Variants in LEKR1 observed in about 807,000 individuals in gnomAD.
LEKR1 encodes the protein leucine, glutamate and lysine rich 1, also known as protein LEKR1.
A neutral mutation model predicts 72.4 loss-of-function variants in LEKR1; 59 were observed. The observed-to-expected ratio is 0.82, with a 90% CI of 0.66 to 1.01. LEKR1 has a LOEUF of 1.01. Among genes scored for constraint, LEKR1 ranks in the 50% least tolerant of loss-of-function variants. The pLI is 0.00. For synonymous variants in LEKR1, 257 were observed against 263.2 expected, an observed-to-expected ratio of 0.98 and a Z score of 0.23; for missense variants, 728 against 759.2, an observed-to-expected ratio of 0.96 and a Z score of 0.48.
intron 7 of LEKR1, among the ~76,000 whole-genome samples, chr3:156,992,182 G>A (rs1731188279): frequency 6.6e-6 from 1 of 152,202 alleles, no homozygotes; most frequent in African/African-American, 2.4e-5. Context: ...AACAGCTGTG[G>A]TTGCCCCAAA....
At chr3:157,045,037 T>C (rs1312209452) in intron 12 of LEKR1, among the ~76,000 whole-genome samples, 1 of 152,102 alleles carries the variant, frequency 6.6e-6, no homozygotes, top group Non-Finnish European at 1.5e-5. Flanking sequence ...AAGTCCTGAG[T>C]TCTAACTCCA....
At chr3:156,839,329 A>G (rs192374870) in intron 2 of LEKR1, among the ~76,000 whole-genome samples, 1 of 152,336 alleles carries the variant, frequency 6.6e-6, no homozygotes, top group East Asian at 1.9e-4. Context: ...AAGGACTGTC[A>G]ATGCTATGGA....
At chr3:156,838,383 T>G (rs1181200869) in intron 2 of LEKR1, among the ~76,000 whole-genome samples, 1 of 152,190 alleles carries the variant, frequency 6.6e-6, no homozygotes, top group Non-Finnish European at 1.5e-5. Context: ...CAAACCAGGA[T>G]TCCTAACCAA....
At position 156,941,582 on chromosome 3, in the gene LEKR1, G is replaced by A. The variant is rs115024604; in HGVS notation, c.560-947G>A. Among the ~76,000 whole-genome samples, 955 of 152,092 alleles carry A rather than the reference G, an allele frequency of 6.3e-3. 11 individuals carry two copies. The highest frequency in any genetic ancestry group is 0.022 in the African/African-American group (914 of 41,508). ...CGAAACCAACCACTTTTGACATCTC[G>A]TCACATGTTGAACCTATCACATAGT... On this transcript the variant is annotated intron_variant, in intron 5 of 12. Transcript: ENST00000356539.
At chr3:156,876,389 G>A (rs1169691118) in intron 3 of LEKR1, among the ~76,000 whole-genome samples, 1 of 152,146 alleles carries the variant, frequency 6.6e-6, no homozygotes, top group Non-Finnish European at 1.5e-5. Context: ...TACTTTGATA[G>A]AAATTGCTTT....
chr3:156,942,002 A>G (rs891584525), intron 5 of LEKR1, among the ~76,000 whole-genome samples: 2 of 152,008 alleles, frequency 1.3e-5, no homozygotes, highest in African/African-American at 4.8e-5. Context: ...AATCATTAAG[A>G]TATTATTAAC....
At chr3:156,854,531 CT>C (rs1715802448) in intron 3 of LEKR1, among the ~76,000 whole-genome samples, 1 of 149,710 alleles carries the variant, frequency 6.7e-6, no homozygotes, top group African/African-American at 2.5e-5. Flanking sequence ...TTTCTTTTCT[CT>C]TTTCTTTCTT....
intron 3 of LEKR1, among the ~76,000 whole-genome samples, chr3:156,903,710 A>G (rs1378956682): frequency 1.3e-5 from 2 of 152,200 alleles, no homozygotes; most frequent in African/African-American, 2.4e-5. Flanking sequence ...TTATTCTCTT[A>G]AACTGCAAAT....
chr3:156,971,530 A>C (rs547142062), intron 6 of LEKR1, among the ~76,000 whole-genome samples: 7,390 of 152,268 alleles, frequency 0.049, 643 homozygotes, highest in African/African-American at 0.17. Flanking sequence ...CAGCAAAAGA[A>C]ACTACCATCA....
At chr3:156,902,190 G>T (rs1174112521) in intron 3 of LEKR1, among the ~76,000 whole-genome samples, 4 of 151,864 alleles carry the variant, frequency 2.6e-5, no homozygotes, top group African/African-American at 9.7e-5. Flanking sequence ...TTATTGATTT[G>T]CTGACCTATT....
chr3:157,036,624 G>A (rs549574437), intron 12 of LEKR1, among the ~76,000 whole-genome samples: 2 of 152,296 alleles, frequency 1.3e-5, no homozygotes, highest in African/African-American at 4.8e-5. Context: ...AGAAAATATA[G>A]GAATCAGGAA....
At chr3:157,013,550 A>T (rs1733075619) in intron 10 of LEKR1, among the ~76,000 whole-genome samples, 1 of 152,128 alleles carries the variant, frequency 6.6e-6, no homozygotes, top group South Asian at 2.1e-4. Flanking sequence ...TATATTGCAG[A>T]GGTATGTATA....
At position 157,017,962 on chromosome 3, in the gene LEKR1, A is replaced by AAAGAAG. The variant is rs1553831880; in HGVS notation, c.1203+6458_1203+6459insGAAGAA. 5.2e-5 allele frequency among the ~76,000 whole-genome samples: 7 copies of AAAGAAG among 134,236 alleles called. No homozygotes were observed. The Admixed American group carries it at 5.3e-4, about 10-fold the overall frequency. The allele number at this position is 134,236 out of a possible 152,430, so 88.1% of individuals were successfully genotyped here. On this transcript the variant is annotated intron_variant, in intron 10 of 12. Transcript: ENST00000356539. ...AGACTCTGTCTCAAAAAAAAAAAAA[A>AAAGAAG]AAAAAAAAAAGAAAGCTGGAGTAGC...
At chr3:156,945,994 T>A (rs1726641536) in intron 6 of LEKR1, among the ~76,000 whole-genome samples, 1 of 151,760 alleles carries the variant, frequency 6.6e-6, no homozygotes, top group Non-Finnish European at 1.5e-5. Flanking sequence ...AAGAATGACA[T>A]TGGTATTTTG....
At chr3:156,976,091 T>G (rs1396898461) in intron 6 of LEKR1, among the ~76,000 whole-genome samples, 3 of 152,152 alleles carry the variant, frequency 2.0e-5, no homozygotes, top group Admixed American at 2.0e-4. Context: ...GGACAGGAAC[T>G]GGGCACTCTG....
intron 6 of LEKR1, among the ~76,000 whole-genome samples, chr3:156,951,469 T>C (rs546565050): frequency 6.6e-6 from 1 of 151,758 alleles, no homozygotes; most frequent in African/African-American, 2.4e-5. Flanking sequence ...AGAATTCAGC[T>C]GTGAATCCAT....
rs1234584297 is a variant in LEKR1, at chr3:156,852,808, G to A, written c.89G>A (p.Ser30Asn). The A allele has an allele frequency of 6.5e-7, 1 of 1,534,692 alleles. No individual in the cohort carries two copies. The highest frequency in any genetic ancestry group is 2.5e-5 in the East Asian group (1 of 40,754). Residue 30 changes from serine (S) to asparagine (N), a missense_variant, in exon 3 of 13, where the codon AGC (serine) becomes AAC (asparagine). Coordinates refer to ENST00000356539, the MANE Select transcript of LEKR1 (RefSeq NM_001004316.3). ...AAAGTTTGTAAGTACTGTGGAGTCA[G>A]CTATCTAATTCTTCATGAATTTAAG... ...EEKVCKYCGVSYLILHEFKAM... is the reference protein window; with the variant it reads ...EEKVCKYCGVNYLILHEFKAM...
chr3:156,888,518 A>G lies in LEKR1; in HGVS notation c.264-32057A>G. 4.9e-6 allele frequency: 3 copies of G among 615,520 alleles called. No homozygotes were observed. In the South Asian group the frequency reaches 5.9e-5, roughly 12 times the overall value. The allele number at this position is 615,520 out of a possible 1,614,324, so 38.1% of individuals were successfully genotyped here. A position where few individuals can be genotyped will look rare whatever the true frequency, so the allele number is the denominator to read the frequency against. On this transcript the variant is annotated intron_variant, in intron 3 of 12. Coordinates refer to ENST00000356539, the MANE Select transcript of LEKR1 (RefSeq NM_001004316.3). ...AAGCCAGAAGATTTTGGAGAGGCAC[A>G]GTGGGAGAAACACATAAAAAGACTG...
At chr3:156,990,724 C>G (rs190996038) in intron 7 of LEKR1, among the ~76,000 whole-genome samples, 1 of 152,180 alleles carries the variant, frequency 6.6e-6, no homozygotes, top group Non-Finnish European at 1.5e-5. Context: ...GTAGAAGCCC[C>G]TTCAAACTGG....
Sources: allele counts gnomAD v4.1 joint callset (sites outside exome capture counted in the v4.1 genomes callset), GRCh38; gene constraint gnomAD v4.1.1; transcripts MANE v1.5; gene names NCBI Gene and HGNC (gene_info 2026-07-23, HGNC 2026-07-21).